APC: variants seen among roughly 807,000 people sequenced by gnomAD.
APC encodes the protein adenomatous polyposis coli protein.
Under a neutral mutation model 247.0 loss-of-function variants are expected in APC, and 72 were observed. The ratio of observed to expected loss-of-function variants is 0.29; its 90% CI spans 0.24 to 0.35. APC has a LOEUF of 0.35. Ranked by LOEUF, APC falls within the 10% of genes least tolerant of loss-of-function variation. The pLI is 1.00. For synonymous variants in APC, 1,254 were observed against 1,162.5 expected, an observed-to-expected ratio of 1.08 and a Z score of -1.60; for missense variants, 3,400 against 3,360.7, an observed-to-expected ratio of 1.01 and a Z score of -0.29.
chr5:112,708,217 C>G (rs1302603096), intron 1 of APC, among the ~76,000 whole-genome samples: 1 of 152,198 alleles, frequency 6.6e-6, no homozygotes, highest in Admixed American at 6.5e-5. Flanking sequence ...CCCCATCTTC[C>G]TCGTTTGGAC....
At position 112,843,731 on chromosome 5, in the gene APC, A is replaced by T. The variant is rs80277939; in HGVS notation, c.8137A>T (p.Met2713Leu). 6.2e-7 allele frequency: 1 copy of T among 1,614,094 alleles called. No individual in the cohort carries two copies. The highest frequency in any genetic ancestry group is 8.5e-7 in the Non-Finnish European group (1 of 1,179,960). ...AAATGTGGGTAATGGCAGTGTTCCCATGCGTACCGTGGGTTTGGAAAATCG... is the reference window on the plus strand; with the variant it reads ...AAATGTGGGTAATGGCAGTGTTCCCTTGCGTACCGTGGGTTTGGAAAATCG... ...KQNVGNGSVPMRTVGLENRLN... is the reference protein window; with the variant it reads ...KQNVGNGSVPLRTVGLENRLN... Residue 2713 changes from methionine to leucine, a missense_variant, in exon 16 of 16, where the codon ATG becomes TTG. Transcript: ENST00000257430. The surrounding 1 kb of genome is among the most constrained non-coding windows in gnomAD (Gnocchi z 4.8).
intron 11 of APC, among the ~76,000 whole-genome samples, chr5:112,823,026 C>T (rs1763297581): frequency 6.6e-6 from 1 of 152,186 alleles, no homozygotes; most frequent in South Asian, 2.1e-4. Flanking sequence ...TCTTTCCTCC[C>T]CCTGGTCTCC....
intron 1 of APC, among the ~76,000 whole-genome samples, chr5:112,717,908 CTTTTTTT>C: frequency 3.4e-4 from 14 of 40,650 alleles, no homozygotes; most frequent in East Asian, 8.8e-4. Context: ...TTTTCTTTTT[CTTTTTTT>C]TTTTTTTTTT....
chr5:112,799,378 T>A (rs1392932728), intron 7 of APC, among the ~76,000 whole-genome samples: 1 of 151,668 alleles, frequency 6.6e-6, no homozygotes, highest in Non-Finnish European at 1.5e-5. Context: ...AATGTAGGAG[T>A]AATACTCCAC....
At chr5:112,778,495 A>T (rs1409327385) in intron 5 of APC, 1 of 151,812 alleles carries the variant, frequency 6.6e-6, no homozygotes, top group East Asian at 1.9e-4. Context: ...AAATTATATA[A>T]TCTCAAACAA....
In APC at chr5:112,841,054, C is replaced by T. The variant is rs2149940725; in HGVS notation, c.5460C>T (p.Ser1820=). The T allele has an allele frequency of 6.2e-7, 1 of 1,611,848 alleles. No individual in the cohort carries two copies. Among genetic ancestry groups the T allele is most frequent in the Non-Finnish European group, 8.5e-7 (1 of 1,178,122 alleles). The change falls in exon 16 of 16, where the codon TCC becomes TCT. Residue 1820 remains serine, a synonymous_variant. Coordinates refer to ENST00000257430, the MANE Select transcript of APC (RefSeq NM_000038.6). The surrounding 1 kb of genome is among the most constrained non-coding windows in gnomAD (Gnocchi z 4.6). ...AGAAACAGAATTTGAAAAATAATTC[C>T]AAGGTCTTCAATGATAAGCTCCCAA... ...DSKKQNLKNN[S]KVFNDKLPNN...
At chr5:112,725,625 G>A (rs967245814) in intron 1 of APC, among the ~76,000 whole-genome samples, 5 of 151,860 alleles carry the variant, frequency 3.3e-5, no homozygotes, top group Non-Finnish European at 7.4e-5. Flanking sequence ...GCTGGGCTCA[G>A]TAGTGCAGGC....
At chr5:112,718,748 CTT>C (rs1751318379) in intron 1 of APC, among the ~76,000 whole-genome samples, 1 of 152,092 alleles carries the variant, frequency 6.6e-6, no homozygotes, top group Non-Finnish European at 1.5e-5. Context: ...TTTAAATTGT[CTT>C]TGTAAGGATA....
chr5:112,791,313 T>G (rs1383656194), intron 6 of APC, among the ~76,000 whole-genome samples: 1 of 152,134 alleles, frequency 6.6e-6, no homozygotes, highest in African/African-American at 2.4e-5. Context: ...AAAAATAATG[T>G]TTAGCCACAG....
At chr5:112,726,162 A>G (rs1751764649) in intron 1 of APC, among the ~76,000 whole-genome samples, 1 of 152,350 alleles carries the variant, frequency 6.6e-6, no homozygotes, top group South Asian at 2.1e-4. Flanking sequence ...CCAAGTGGGC[A>G]TGTGTTACAG....
In APC at chr5:112,843,875, C is replaced by T. The variant is rs1060503332; in HGVS notation, c.8281C>T (p.Pro2761Ser). ...TNESSIVERT[P>S]FSSSSSSKHS... ...TGAAAGTTCTATAGTGGAACGTACC[C>T]CATTCAGTTCTAGCAGCTCAAGCAA... Residue 2761 changes from proline (P) to serine (S), a missense_variant, in exon 16 of 16, where the codon CCA (proline) becomes TCA (serine). Physicochemically the swap from Pro to Ser is moderately conservative, Grantham distance 74. Around this residue, in one of 9 missense-constraint regions of APC, gnomAD observed 1,788 missense variants for 1,649.5 expected, o/e 1.08. Transcript: ENST00000257430. This position sits in a 1 kb window ranked among gnomAD's most constrained non-coding sequence, Gnocchi z 4.8. The T allele has an allele frequency of 3.1e-6, 5 of 1,613,942 alleles. No individual in the cohort carries two copies. Among genetic ancestry groups the T allele is most frequent in the Non-Finnish European group, 4.2e-6 (5 of 1,179,862 alleles).
At chr5:112,800,006 A>T (rs1310963681) in intron 7 of APC, among the ~76,000 whole-genome samples, 1 of 152,182 alleles carries the variant, frequency 6.6e-6, no homozygotes, top group African/African-American at 2.4e-5. Flanking sequence ...ATATATTTAC[A>T]GCACCTTGTA....
chr5:112,785,256 T>C (rs1758810219), intron 6 of APC, among the ~76,000 whole-genome samples: 3 of 152,136 alleles, frequency 2.0e-5, no homozygotes, highest in African/African-American at 7.2e-5. Context: ...TATTTGTAAA[T>C]GATGTGGTGG....
rs1273915855 is a variant in APC at position 112,842,567 on chromosome 5, G to A, written c.6973G>A (p.Gly2325Ser). ...ATTAAGTAGACCTATACAGTCTCCT[G>A]GCCGAAACTCAATTTCCCCTGGTAG... ...QPLSRPIQSPGRNSISPGRNG... is the reference protein window; with the variant it reads ...QPLSRPIQSPSRNSISPGRNG... Residue 2325 changes from glycine to serine, a missense_variant, in exon 16 of 16, where the codon GGC becomes AGC. Transcript: ENST00000257430. 1 of 1,613,818 alleles carries A rather than the reference G, an allele frequency of 6.2e-7. No individual in the cohort carries two copies.
intron 14 of APC, among the ~76,000 whole-genome samples, chr5:112,830,884 G>C (rs1227906800): frequency 6.6e-6 from 1 of 152,136 alleles, no homozygotes. Flanking sequence ...GTGTATACAT[G>C]TATGAAAAAT....
chr5:112,769,773 C>T (rs981951060), intron 4 of APC, among the ~76,000 whole-genome samples: 5 of 152,142 alleles, frequency 3.3e-5, no homozygotes, highest in African/African-American at 1.2e-4. Context: ...GCATATCTCC[C>T]TGAGAGGCAG....
rs2149990789 is a variant in APC, at chr5:112,843,217, C to T, written c.7623C>T (p.Ile2541=). The change falls in exon 16 of 16, where the codon ATC becomes ATT. Residue 2541 remains isoleucine (I), a synonymous_variant. Transcript: ENST00000257430. The surrounding 1 kb of genome is among the most constrained non-coding windows in gnomAD (Gnocchi z 4.8). ...CTGAAAGTCCTTCTAGACTTCCAAT[C>T]AATAGGTCAGGAACCTGGAAACGTG... ...SHSESPSRLP[I]NRSGTWKREH... 1 of 1,613,768 alleles carries T rather than the reference C, an allele frequency of 6.2e-7. No individual in the cohort carries two copies. Among genetic ancestry groups the T allele is most frequent in the Middle Eastern group, 1.7e-4 (1 of 6,056 alleles).
chr5:112,798,661 AG>A (rs756269403), intron 7 of APC, among the ~76,000 whole-genome samples: 5 of 152,250 alleles, frequency 3.3e-5, no homozygotes, highest in Non-Finnish European at 7.3e-5. Flanking sequence ...CTTTCATAAT[AG>A]TGAACAACCA....
chr5:112,842,377 T>C lies in APC; in HGVS notation c.6783T>C (p.Pro2261=), dbSNP rs767285988. The stretch of plus-strand genomic sequence containing the variant: ...TTAAGACTCCAGCCTCCAAAAGCCC[T>C]AGTGAAGGTCAAACAGCCACCACTT... ...PPLKTPASKS[P]SEGQTATTSP... The change falls in exon 16 of 16, where the codon CCT becomes CCC. Residue 2261 remains proline (P), a synonymous_variant. Coordinates refer to ENST00000257430, the MANE Select transcript of APC (RefSeq NM_000038.6). The C allele has an allele frequency of 1.2e-6, 2 of 1,613,980 alleles. No individual in the cohort carries two copies. Among genetic ancestry groups the C allele is most frequent in the East Asian group, 2.2e-5 (1 of 44,870 alleles).
Sources: gnomAD v4.1 joint callset for allele counts (sites outside exome capture counted in the v4.1 genomes callset) on GRCh38, gnomAD v4.1.1 for gene constraint, gnomAD v4.1.1 regional missense constraint, Gnocchi (gnomAD v3.1) non-coding constraint, MANE v1.5 for transcripts, NCBI Gene and HGNC (gene_info 2026-07-23, HGNC 2026-07-21) for gene names.